Variants in TBC1D1 observed in about 807,000 individuals in gnomAD.
TBC1D1 encodes the protein TBC1 (tre-2/USP6, BUB2, cdc16) domain family, member 1.
A neutral mutation model predicts 125.6 loss-of-function variants in TBC1D1; 89 were observed. The ratio of observed to expected loss-of-function variants is 0.71; its 90% confidence interval spans 0.60 to 0.85. TBC1D1 has a LOEUF of 0.85. Among genes scored for constraint, TBC1D1 ranks in the 40% least tolerant of loss-of-function variants. The probability of loss-of-function intolerance (pLI) is 0.00; values close to 1 mark genes in which losing one functional copy is unlikely to be tolerated. For missense variants in TBC1D1, 1,377 were observed against 1,469.2 expected (o/e 0.94, Z 1.03); for synonymous variants, 565 against 564.1 (o/e 1.00, Z -0.02).
At chr4:37,909,928 G>A (rs1003421854) in intron 2 of TBC1D1, among the ~76,000 whole-genome samples, 1 of 152,156 alleles carries the variant, frequency 6.6e-6, no homozygotes, top group Non-Finnish European at 1.5e-5. Flanking sequence ...GGGTGCAAGG[G>A]CTGGCAGGAA....
chr4:38,082,999 T>C (rs1756840728), intron 12 of TBC1D1, among the ~76,000 whole-genome samples: 1 of 152,226 alleles, frequency 6.6e-6, no homozygotes, highest in Non-Finnish European at 1.5e-5. Flanking sequence ...CTTCTGTTTT[T>C]AAGTGTGTGT....
intron 8 of TBC1D1, among the ~76,000 whole-genome samples, chr4:38,036,443 G>T (rs1396695906): frequency 1.3e-5 from 2 of 152,172 alleles, no homozygotes; most frequent in Non-Finnish European, 2.9e-5. Context: ...AAAGTTACCT[G>T]TTGGCCAGAA....
chr4:38,085,324 A>G (rs1325343092), intron 12 of TBC1D1, among the ~76,000 whole-genome samples: 2 of 152,186 alleles, frequency 1.3e-5, no homozygotes, highest in Non-Finnish European at 2.9e-5. Context: ...GAAAGGCTAC[A>G]TAATTTAAGT....
At chr4:38,070,570 G>A (rs1180445415) in intron 12 of TBC1D1, among the ~76,000 whole-genome samples, 1 of 152,126 alleles carries the variant, frequency 6.6e-6, no homozygotes, top group African/African-American at 2.4e-5. Flanking sequence ...GGTCATAGAT[G>A]GTGCTTGGTT....
chr4:37,983,324 A>C (rs907582060), intron 2 of TBC1D1, among the ~76,000 whole-genome samples: 1 of 152,016 alleles, frequency 6.6e-6, no homozygotes, highest in Non-Finnish European at 1.5e-5. Flanking sequence ...CATGTTGGCC[A>C]GGATGGTCTC....
intron 1 of TBC1D1, among the ~76,000 whole-genome samples, chr4:37,895,784 C>A (rs190218350): frequency 6.6e-6 from 1 of 152,260 alleles, no homozygotes; most frequent in Admixed American, 6.5e-5. Context: ...AAGGCACACC[C>A]CAGTACTAAA....
intron 8 of TBC1D1, 107 bp downstream of exon 8, chr4:38,035,805 T>A (rs900735802): frequency 1.2e-6 from 1 of 811,004 alleles, no homozygotes; most frequent in African/African-American, 1.8e-5. Flanking sequence ...TTTCTCCCTA[T>A]GTTTTATTTT....
chr4:37,996,093 C>T, intron 2 of TBC1D1: 1 of 508,558 alleles, frequency 2.0e-6, no homozygotes, highest in Non-Finnish European at 3.9e-6. Context: ...ATATGATTTT[C>T]TGTGGCAAGA....
chr4:38,130,652 A>G (rs1300313464), intron 18 of TBC1D1, among the ~76,000 whole-genome samples: 1 of 152,230 alleles, frequency 6.6e-6, no homozygotes, highest in Non-Finnish European at 1.5e-5. Context: ...AGCTTTGTGT[A>G]GTGACCAGTG....
chr4:37,982,186 G>A (rs915916825), intron 2 of TBC1D1, among the ~76,000 whole-genome samples: 3 of 152,136 alleles, frequency 2.0e-5, no homozygotes, highest in Non-Finnish European at 4.4e-5. Context: ...GCCGGTAGGC[G>A]GTAGGAGTTG....
intron 17 of TBC1D1, among the ~76,000 whole-genome samples, chr4:38,123,633 G>A (rs530803936): frequency 3.9e-5 from 6 of 152,324 alleles, no homozygotes; most frequent in Admixed American, 2.6e-4. Flanking sequence ...ACTTTCCTGC[G>A]GCCACCCTGA....
chr4:38,055,845 G>A (rs987386193), intron 12 of TBC1D1, among the ~76,000 whole-genome samples: 1 of 152,160 alleles, frequency 6.6e-6, no homozygotes, highest in Non-Finnish European at 1.5e-5. Context: ...GTGGAGCAGT[G>A]GGAACCAGAG....
intron 13 of TBC1D1, among the ~76,000 whole-genome samples, chr4:38,093,524 C>CCT: frequency 6.7e-6 from 1 of 149,788 alleles, no homozygotes; most frequent in Admixed American, 6.6e-5. Flanking sequence ...CGTTTTCCCC[C>CCT]CCCTTTTTTT....
chr4:37,946,268 T>C (rs1726676635), intron 2 of TBC1D1, among the ~76,000 whole-genome samples: 1 of 152,236 alleles, frequency 6.6e-6, no homozygotes, highest in Non-Finnish European at 1.5e-5. Flanking sequence ...TTTGCAGCAC[T>C]GTGGGGTGAA....
chr4:38,134,011 T>C (rs1431546755), intron 19 of TBC1D1, among the ~76,000 whole-genome samples: 1 of 152,262 alleles, frequency 6.6e-6, no homozygotes, highest in African/African-American at 2.4e-5. Context: ...TCTACTTTTT[T>C]CTACTTTTTT....
At chr4:38,038,226 T>G (rs1287216677) in intron 8 of TBC1D1, among the ~76,000 whole-genome samples, 2 of 152,220 alleles carry the variant, frequency 1.3e-5, no homozygotes, top group Non-Finnish European at 2.9e-5. Flanking sequence ...CAAAATTTAA[T>G]GCTATATAAC....
At chr4:38,004,747 C>T (rs1472344152) in intron 2 of TBC1D1, among the ~76,000 whole-genome samples, 1 of 152,142 alleles carries the variant, frequency 6.6e-6, no homozygotes, top group African/African-American at 2.4e-5. Flanking sequence ...GTAGATGTTT[C>T]CAGGGATTAT....
chr4:37,938,636 C>T (rs1388213041), intron 2 of TBC1D1, among the ~76,000 whole-genome samples: 1 of 152,106 alleles, frequency 6.6e-6, no homozygotes, highest in Non-Finnish European at 1.5e-5. Context: ...CACCCATTAA[C>T]TCGTCATTTA....
intron 2 of TBC1D1, among the ~76,000 whole-genome samples, chr4:37,992,732 A>T (rs1414654818): frequency 6.7e-6 from 1 of 149,666 alleles, no homozygotes; most frequent in East Asian, 2.0e-4. Context: ...TGACCTCGTG[A>T]TCTGCCCGCC....
Sources: allele counts gnomAD v4.1 joint callset (sites outside exome capture counted in the v4.1 genomes callset), GRCh38; gene constraint gnomAD v4.1.1; transcripts MANE v1.5; gene names NCBI Gene and HGNC (gene_info 2026-07-23, HGNC 2026-07-21).